UNC79: variants seen among roughly 807,000 people sequenced by gnomAD.
UNC79 encodes the protein unc-79 subunit of NALCN channel complex.
Under a neutral mutation model 283.1 loss-of-function variants are expected in UNC79, and 37 were observed. The ratio of observed to expected loss-of-function variants is 0.13; its 90% CI spans 0.10 to 0.17. The LOEUF (loss-of-function observed/expected upper bound fraction) is 0.17, where lower values mean the gene tolerates loss of function less well. Ranked by LOEUF, UNC79 falls within the 10% of genes least tolerant of loss-of-function variation. The pLI, the probability that UNC79 is intolerant of heterozygous loss-of-function variation, is 1.00. For synonymous variants in UNC79, 1,107 were observed against 1,200.2 expected, an observed-to-expected ratio of 0.92 and a Z score of 1.61; for missense variants, 2,272 against 3,211.1, an observed-to-expected ratio of 0.71 and a Z score of 7.07.
At chr14:93,382,666 T>C (rs368232531) in intron 1 of UNC79, among the ~76,000 whole-genome samples, 15 of 152,300 alleles carry the variant, frequency 9.8e-5, no homozygotes, top group Admixed American at 3.9e-4. Flanking sequence ...CAGATGCAGA[T>C]GAAGAAATTG....
intron 40 of UNC79, among the ~76,000 whole-genome samples, chr14:93,667,929 T>C (rs1722246642): frequency 6.6e-6 from 1 of 152,194 alleles, no homozygotes; most frequent in South Asian, 2.1e-4. Context: ...ATTCAGCAGG[T>C]GCAAGAAAAT....
At chr14:93,496,791 T>C (rs975267717) in intron 6 of UNC79, among the ~76,000 whole-genome samples, 1 of 152,204 alleles carries the variant, frequency 6.6e-6, no homozygotes, top group African/African-American at 2.4e-5. Context: ...AAATAGGAGA[T>C]GTGAATGTTT....
At position 93,614,096 on chromosome 14, in the gene UNC79, G is replaced by T. The variant is rs2066507314; in HGVS notation, c.4041+1013G>T. Among the ~76,000 whole-genome samples, 5 of 151,184 alleles carry T rather than the reference G, an allele frequency of 3.3e-5. No individual in the cohort carries two copies. In the South Asian group the frequency reaches 1.0e-3, roughly 32 times the overall value. On this transcript the variant is annotated intron_variant, in intron 27 of 48. Coordinates refer to ENST00000555664, the Ensembl canonical transcript of UNC79. ...CTGGTATCATCAAGGGAGCATGGGA[G>T]ATTTTTTTCCTTTTGTAAAATATAC...
chr14:93,537,489 C>G (rs1018142366), intron 11 of UNC79, among the ~76,000 whole-genome samples: 1 of 152,188 alleles, frequency 6.6e-6, no homozygotes, highest in Non-Finnish European at 1.5e-5. Context: ...TCCTTGAATG[C>G]GACAAGGACA....
At chr14:93,469,838 C>T (rs2057409643) in intron 2 of UNC79, among the ~76,000 whole-genome samples, 1 of 152,092 alleles carries the variant, frequency 6.6e-6, no homozygotes, top group African/African-American at 2.4e-5. Context: ...GCCTTGATTG[C>T]ACCACTGTAC....
chr14:93,461,031 A>G (rs1377037766), intron 1 of UNC79, among the ~76,000 whole-genome samples: 1 of 152,218 alleles, frequency 6.6e-6, no homozygotes, highest in Non-Finnish European at 1.5e-5. Context: ...AAGTGCATAG[A>G]AAGTGAGGAA....
At chr14:93,676,909 A>G (rs1350471091) in intron 41 of UNC79, among the ~76,000 whole-genome samples, 1 of 152,222 alleles carries the variant, frequency 6.6e-6, no homozygotes, top group Non-Finnish European at 1.5e-5. Context: ...CAAATGTGTG[A>G]CTTGTCATTG....
chr14:93,666,328 T>G (rs144158345), intron 40 of UNC79, among the ~76,000 whole-genome samples: 2 of 152,234 alleles, frequency 1.3e-5, no homozygotes, highest in African/African-American at 4.8e-5. Context: ...ACAATAAATA[T>G]AAGTTTACTA....
chr14:93,665,198 AATAAT>A (rs1338851467), intron 40 of UNC79, among the ~76,000 whole-genome samples: 4 of 149,768 alleles, frequency 2.7e-5, no homozygotes, highest in Admixed American at 6.6e-5. Flanking sequence ...AAATAAATAA[AATAAT>A]ATAATAGATT....
chr14:93,371,698 G>A (rs557624685), intron 1 of UNC79, among the ~76,000 whole-genome samples: 7 of 151,184 alleles, frequency 4.6e-5, no homozygotes, highest in South Asian at 2.1e-4. Context: ...AAAATTAGCC[G>A]GGCGTGGTGG....
chr14:93,494,741 A>G (rs1273113536), intron 5 of UNC79, among the ~76,000 whole-genome samples: 3 of 152,146 alleles, frequency 2.0e-5, no homozygotes, highest in Admixed American at 1.3e-4. Context: ...GGCCCAGTGG[A>G]AGAGGATGAG....
At chr14:93,418,749 G>A (rs549273162) in intron 1 of UNC79, among the ~76,000 whole-genome samples, 135 of 151,890 alleles carry the variant, frequency 8.9e-4, no homozygotes, top group South Asian at 1.5e-3. Flanking sequence ...CCCCAGCCTC[G>A]CTGCCGCCTT....
At position 93,577,989 on chromosome 14, in the gene UNC79, A is replaced by G. The variant is rs1364663892; in HGVS notation, c.2359A>G (p.Ile787Val). The G allele has an allele frequency of 5.0e-6, 8 of 1,614,216 alleles. No homozygotes were observed. The African/African-American group carries it at 6.7e-5, about 13-fold the overall frequency. Residue 787 changes from isoleucine to valine, a missense_variant, in exon 18 of 49, where the codon ATT becomes GTT. Physicochemically the swap from Ile to Val is conservative, Grantham distance 29. Coordinates refer to ENST00000555664, the Ensembl canonical transcript of UNC79. The stretch of plus-strand genomic sequence containing the variant: ...TTTTGGACACCCAGGAGGAAGGACT[A>G]TTGACTTTGATTGTGAAGATGATGA...
chr14:93,340,311 G>A (rs527943559), intron 1 of UNC79, among the ~76,000 whole-genome samples: 5 of 152,076 alleles, frequency 3.3e-5, no homozygotes, highest in African/African-American at 9.6e-5. Context: ...GCATGGTGGC[G>A]GGTGCCTGTA....
chr14:93,698,476 GTTTTTTTTTT>G (rs71129655), intron 47 of UNC79, among the ~76,000 whole-genome samples: 7 of 79,096 alleles, frequency 8.9e-5, no homozygotes, highest in Admixed American at 2.0e-4. Flanking sequence ...TTTAGTTTAG[GTTTTTTTTTT>G]TTTTTTTTTT....
chr14:93,550,821 G>A (rs144101526), intron 14 of UNC79, among the ~76,000 whole-genome samples: 19 of 152,060 alleles, frequency 1.2e-4, no homozygotes, highest in Admixed American at 5.9e-4. Flanking sequence ...GAGATAAGAA[G>A]ATACCACATA....
At chr14:93,649,286 T>C (rs143981008) in intron 35 of UNC79, among the ~76,000 whole-genome samples, 3 of 152,324 alleles carry the variant, frequency 2.0e-5, no homozygotes, top group African/African-American at 7.2e-5. Context: ...ATTCGATGAA[T>C]GGCTTTTTAA....
At chr14:93,518,384 G>A (rs935573988) in intron 7 of UNC79, among the ~76,000 whole-genome samples, 1 of 151,822 alleles carries the variant, frequency 6.6e-6, no homozygotes, top group Non-Finnish European at 1.5e-5. Context: ...CATGTCTGTA[G>A]GATCTGTAGT....
At chr14:93,695,890 C>CAAAAAACAAAAAAAAAAAAAAA (rs2075067760) in intron 47 of UNC79, among the ~76,000 whole-genome samples, 1 of 39,440 alleles carries the variant, frequency 2.5e-5, no homozygotes, top group Non-Finnish European at 4.7e-5. Flanking sequence ...GACTTTGTCT[C>CAAAAAACAAAAAAAAAAAAAAA]AAAAAAAAAA....
Sources: gnomAD v4.1 joint callset for allele counts (sites outside exome capture counted in the v4.1 genomes callset) on GRCh38, gnomAD v4.1.1 for gene constraint, MANE v1.5 for transcripts, NCBI Gene and HGNC (gene_info 2026-07-23, HGNC 2026-07-21) for gene names.